The following HDAC4 variants were observed in gnomAD, a reference collection of about 807,000 sequenced individuals.
The protein encoded by HDAC4 is histone deacetylase 4.
HDAC4 carries 16 observed loss-of-function variants against 135.1 expected under a neutral mutation model. The ratio of observed to expected loss-of-function variants is 0.12; its 90% CI spans 0.08 to 0.18. The LOEUF is 0.18. HDAC4 is among the 10% of genes least tolerant of loss of function. The pLI, the probability that HDAC4 is intolerant of heterozygous loss-of-function variation, is 1.00. For missense variants in HDAC4, 1,143 were observed against 1,511.8 expected (o/e 0.76, Z 4.05); for synonymous variants, 685 against 653.4 (o/e 1.05, Z -0.74).
intron 2 of HDAC4, among the ~76,000 whole-genome samples, chr2:239,242,460 T>A (rs986446673): frequency 2.6e-5 from 4 of 152,262 alleles, no homozygotes; most frequent in Admixed American, 6.5e-5. Context: ...CATTATCAAT[T>A]TCTGTTTGCT....
chr2:239,266,628 C>T (rs979874182), intron 2 of HDAC4, among the ~76,000 whole-genome samples: 1 of 152,214 alleles, frequency 6.6e-6, no homozygotes, highest in Non-Finnish European at 1.5e-5. Flanking sequence ...GGCTTCCACA[C>T]ACCCAAAGGC....
At chr2:239,172,828 C>T (rs1263998040) in intron 5 of HDAC4, among the ~76,000 whole-genome samples, 2 of 151,994 alleles carry the variant, frequency 1.3e-5, no homozygotes, top group East Asian at 3.8e-4. Context: ...AAGAGGACAT[C>T]ATTAAAGGTC....
chr2:239,144,441 G>A (rs556912747), intron 8 of HDAC4, 142 bp downstream of exon 8: 26 of 1,109,500 alleles, frequency 2.3e-5, no homozygotes, highest in East Asian at 9.4e-5. Context: ...CACTTCCAGC[G>A]CCATGGGAAC....
chr2:239,089,940 G>A (rs1482936516), intron 18 of HDAC4, 69 bp downstream of exon 18: 2 of 1,154,312 alleles, frequency 1.7e-6, no homozygotes, highest in Admixed American at 3.4e-5. Context: ...GGAGTGGGCG[G>A]CCCCTCCCCA....
intron 2 of HDAC4, among the ~76,000 whole-genome samples, chr2:239,316,940 G>A (rs1168987487): frequency 6.6e-6 from 1 of 152,092 alleles, no homozygotes; most frequent in Non-Finnish European, 1.5e-5. Flanking sequence ...AAGTACACAG[G>A]GGGAAAAATT....
intron 24 of HDAC4, among the ~76,000 whole-genome samples, chr2:239,060,284 G>A (rs2032487919): frequency 6.6e-6 from 1 of 152,238 alleles, no homozygotes; most frequent in South Asian, 2.1e-4. Flanking sequence ...CACAGAATGT[G>A]TGTGTGGGTG....
At chr2:239,298,237 A>G (rs1274401487) in intron 2 of HDAC4, 28 of 1,289,000 alleles carry the variant, frequency 2.2e-5, no homozygotes, top group Non-Finnish European at 2.8e-5. Context: ...AGCCAGACCT[A>G]AGATCAAATC....
At chr2:239,200,954 G>C (rs910818220) in intron 3 of HDAC4, among the ~76,000 whole-genome samples, 2 of 152,210 alleles carry the variant, frequency 1.3e-5, no homozygotes, top group African/African-American at 4.8e-5. Context: ...GCTCGCTCGA[G>C]CAGGAGGTGG....
chr2:239,244,892 A>C (rs1047491051), intron 2 of HDAC4, among the ~76,000 whole-genome samples: 4 of 152,094 alleles, frequency 2.6e-5, no homozygotes, highest in Non-Finnish European at 4.4e-5. Flanking sequence ...GTGCCCACCC[A>C]ACCGGCCCTC....
At chr2:239,229,769 A>C (rs1374238013) in intron 3 of HDAC4, among the ~76,000 whole-genome samples, 2 of 152,162 alleles carry the variant, frequency 1.3e-5, no homozygotes, top group Admixed American at 1.3e-4. Context: ...AGATAAGCGG[A>C]GATTCTCGTT....
chr2:239,134,751 G>T, intron 9 of HDAC4, 108 bp from the exon 10 acceptor site: 1 of 814,764 alleles, frequency 1.2e-6, no homozygotes, highest in Non-Finnish European at 2.2e-6. Context: ...TCTGATATAT[G>T]AGCGTAAACG....
At chr2:239,281,849 C>A (rs1331761915) in intron 2 of HDAC4, among the ~76,000 whole-genome samples, 1 of 149,540 alleles carries the variant, frequency 6.7e-6, no homozygotes, top group Admixed American at 6.7e-5. Flanking sequence ...ACAATGAACA[C>A]ACCACTCTAC....
rs76289556 is a variant in HDAC4, at chr2:239,194,419, C to T, written c.95-4342G>A. On this transcript the variant is annotated intron_variant, in intron 3 of 26. Transcript: ENST00000543185. ...ACAGTCAGACACGGAACATGCTGAG[C>T]GCCACGCTGCTGCCGGGGAATTCTC... Among the ~76,000 whole-genome samples the T allele has an allele frequency of 2.7e-3, 416 of 152,316 alleles. 2 individuals are homozygous for T. Among genetic ancestry groups the T allele is most frequent in the African/African-American group, 9.5e-3 (393 of 41,558 alleles).
chr2:239,058,570 A>C (rs1380170839), intron 24 of HDAC4, among the ~76,000 whole-genome samples: 2 of 152,260 alleles, frequency 1.3e-5, no homozygotes, highest in African/African-American at 4.8e-5. Flanking sequence ...GCCAAAGGGC[A>C]GCTGGGGTCA....
At position 239,330,881 on chromosome 2, in the gene HDAC4, T is replaced by C. The variant is rs181033601; in HGVS notation, c.22+21797A>G. Among the ~76,000 whole-genome samples, 56 of 152,322 alleles carry C rather than the reference T, an allele frequency of 3.7e-4. No homozygotes were observed. In the Middle Eastern group the frequency reaches 0.014, roughly 37 times the overall value. ...TTGTAACCCAACCACTTTGGTTTAA[T>C]GTGGCAAAAGAGATCTCACCCTCAG... On this transcript the variant is annotated intron_variant, in intron 2 of 26. Coordinates refer to ENST00000543185, the MANE Select transcript of HDAC4 (RefSeq NM_001378414.1).
chr2:239,054,888 T>TA, intron 24 of HDAC4, 55 bp from the exon 25 acceptor site: 2 of 1,183,002 alleles, frequency 1.7e-6, no homozygotes, highest in Middle Eastern at 1.9e-4. Flanking sequence ...ACACGTGCGT[T>TA]AGACGGGTGT....
intron 15 of HDAC4, among the ~76,000 whole-genome samples, chr2:239,106,337 G>A (rs972612252): frequency 6.6e-6 from 1 of 152,186 alleles, no homozygotes; most frequent in African/African-American, 2.4e-5. Context: ...CTGGGGGTGG[G>A]GGCACATGTA....
intron 6 of HDAC4, among the ~76,000 whole-genome samples, chr2:239,158,349 C>T (rs2042555844): frequency 6.6e-6 from 1 of 152,004 alleles, no homozygotes; most frequent in South Asian, 2.1e-4. Flanking sequence ...TACATGCATC[C>T]CACGAGTTAA....
intron 1 of HDAC4, among the ~76,000 whole-genome samples, chr2:239,392,074 T>C (rs1213645045): frequency 6.6e-6 from 1 of 152,072 alleles, no homozygotes; most frequent in African/African-American, 2.4e-5. Context: ...CCAGGCCCCA[T>C]CCTGCCCGGG....
Sources: gnomAD v4.1 joint callset for allele counts (sites outside exome capture counted in the v4.1 genomes callset) on GRCh38, gnomAD v4.1.1 for gene constraint, MANE v1.5 for transcripts, NCBI Gene and HGNC (gene_info 2026-07-23, HGNC 2026-07-21) for gene names.